The following ALDH1L2 variants were observed in gnomAD, a reference collection of about 807,000 sequenced individuals.
ALDH1L2 encodes mitochondrial 10-formyltetrahydrofolate dehydrogenase.
ALDH1L2 carries 91 observed loss-of-function variants against 111.0 expected under a neutral mutation model. The observed-to-expected ratio is 0.82, with a 90% CI of 0.69 to 0.98. The LOEUF is 0.98. Among genes scored for constraint, ALDH1L2 ranks in the 50% least tolerant of loss-of-function variants. The pLI, the probability that ALDH1L2 is intolerant of heterozygous loss-of-function variation, is 0.00. For synonymous variants in ALDH1L2, 374 were observed against 392.6 expected, an observed-to-expected ratio of 0.95 and a Z score of 0.56; for missense variants, 995 against 1,126.8, an observed-to-expected ratio of 0.88 and a Z score of 1.67.
chr12:105,041,481 A>G (rs1272074503), intron 15 of ALDH1L2, among the ~76,000 whole-genome samples: 1 of 152,218 alleles, frequency 6.6e-6, no homozygotes, highest in African/African-American at 2.4e-5. Context: ...TTATTTGGCA[A>G]ATGTGGTCTG....
intron 19 of ALDH1L2, among the ~76,000 whole-genome samples, chr12:105,033,121 C>T (rs1033422647): frequency 2.0e-5 from 3 of 152,126 alleles, no homozygotes; most frequent in Admixed American, 2.0e-4. Context: ...TAGTGCGTTC[C>T]CCAGGGTTCT....
In ALDH1L2 at chr12:105,070,572, A is replaced by T. The variant is rs1877622746; in HGVS notation, c.426T>A (p.Asn142Lys). 6.2e-7 allele frequency: 1 copy of T among 1,604,596 alleles called. No homozygotes were observed. Among genetic ancestry groups the T allele is most frequent in the African/African-American group, 1.3e-5 (1 of 74,402 alleles). ...AAAGTAAAAAGAAAAAATCTCACCA[A>T]TTGATAGCAGAGGCTCCTCTGTGCC... ...LPRHRGASAI[N>K]WTLIMGDKKA... The change falls in exon 3 of 23, where the codon AAT (asparagine) becomes AAA (lysine). Residue 142 changes from asparagine (N) to lysine (K), a missense_variant and splice_region_variant. Coordinates refer to ENST00000258494, the MANE Select transcript of ALDH1L2 (RefSeq NM_001034173.4).
intron 22 of ALDH1L2, 122 bp downstream of exon 22, chr12:105,026,423 C>A (rs1039677395): frequency 8.0e-6 from 9 of 1,131,366 alleles, no homozygotes; most frequent in Non-Finnish European, 1.1e-5. Context: ...CCCTTCTAAA[C>A]CCAGATATAA....
intron 4 of ALDH1L2, among the ~76,000 whole-genome samples, chr12:105,068,287 C>G (rs577924833): frequency 1.3e-5 from 2 of 150,662 alleles, no homozygotes; most frequent in East Asian, 3.9e-4. Context: ...TTTTTTTTAC[C>G]CCAGAATACG....
intron 15 of ALDH1L2, among the ~76,000 whole-genome samples, chr12:105,043,501 C>T (rs1402363755): frequency 6.6e-6 from 1 of 152,184 alleles, no homozygotes; most frequent in Non-Finnish European, 1.5e-5. Context: ...AAGTTATCAA[C>T]ACTGTTGAAA....
chr12:105,043,309 C>G (rs1481250754), intron 15 of ALDH1L2, among the ~76,000 whole-genome samples: 1 of 152,120 alleles, frequency 6.6e-6, no homozygotes, highest in Non-Finnish European at 1.5e-5. Flanking sequence ...GTAAAATGTA[C>G]AAGTGGCCAA....
At chr12:105,079,766 C>G (rs916522539) in intron 1 of ALDH1L2, among the ~76,000 whole-genome samples, 1 of 152,026 alleles carries the variant, frequency 6.6e-6, no homozygotes, top group African/African-American at 2.4e-5. Flanking sequence ...GACTACAGTC[C>G]CTTTTGACCA....
intron 10 of ALDH1L2, among the ~76,000 whole-genome samples, chr12:105,057,022 A>T (rs547126928): frequency 7.3e-5 from 11 of 151,452 alleles, no homozygotes; most frequent in Non-Finnish European, 1.5e-4. Flanking sequence ...TCTGATAAGG[A>T]TCTAGTATCG....
intron 5 of ALDH1L2, 28 bp from the exon 6 acceptor site, chr12:105,065,384 C>A: frequency 6.3e-7 from 1 of 1,584,154 alleles, no homozygotes. Flanking sequence ...ACAGGCTGAG[C>A]CTCCTATGGC....
intron 18 of ALDH1L2, among the ~76,000 whole-genome samples, chr12:105,034,967 G>GA (rs1391598642): frequency 2.0e-5 from 3 of 149,492 alleles, no homozygotes; most frequent in Admixed American, 6.6e-5. Context: ...CTGGGCGACA[G>GA]AGCTAGATTC....
intron 18 of ALDH1L2, among the ~76,000 whole-genome samples, chr12:105,036,365 T>TTA (rs370427140): frequency 1.5e-5 from 1 of 67,474 alleles, no homozygotes; most frequent in Non-Finnish European, 2.3e-5. Context: ...TGTATATATA[T>TTA]TATATATATA....
chr12:105,065,332 C>A lies in ALDH1L2; in HGVS notation c.721G>T (p.Val241Phe). The A allele has an allele frequency of 6.2e-7, 1 of 1,611,142 alleles. No individual in the cohort carries two copies. The highest frequency in any genetic ancestry group is 8.5e-7 in the Non-Finnish European group (1 of 1,177,864). The change falls in exon 6 of 23, where the codon GTT becomes TTT. Residue 241 changes from valine to phenylalanine, a missense_variant. Val to Phe is a conservative substitution (Grantham distance 50). Transcript: ENST00000258494. ...TGACCTCGAATCCAGTTATGTAAAA[C>A]TTCGGCAGACTGGTCCCAAGAAATC... Reference protein sequence around the residue: ...AEISWDQSAEVLHNWIRGHDK... With the variant: ...AEISWDQSAEFLHNWIRGHDK...
At chr12:105,064,978 C>T (rs2136096824) in intron 6 of ALDH1L2, among the ~76,000 whole-genome samples, 1 of 152,294 alleles carries the variant, frequency 6.6e-6, no homozygotes, top group African/African-American at 2.4e-5. Flanking sequence ...GAAGCCTTTC[C>T]TAACATGCCT....
chr12:105,044,900 C>G lies in ALDH1L2; in HGVS notation c.1863+1810G>C, dbSNP rs1028290858. On this transcript the variant is annotated intron_variant, in intron 15 of 22. Coordinates refer to ENST00000258494, the MANE Select transcript of ALDH1L2 (RefSeq NM_001034173.4). ...AAAAAAGTTAGAATTTTTTTTTTTG[C>G]TAAGTATATAGAATGCTACTTTTTG... 6.1e-4 allele frequency among the ~76,000 whole-genome samples: 92 copies of G among 150,174 alleles called. 1 individual carries two copies. The highest frequency in any genetic ancestry group is 2.2e-3 in the African/African-American group (88 of 40,918).
intron 18 of ALDH1L2, among the ~76,000 whole-genome samples, chr12:105,036,819 T>C (rs1022586038): frequency 6.6e-6 from 1 of 152,034 alleles, no homozygotes; most frequent in Non-Finnish European, 1.5e-5. Context: ...AAACAGACTC[T>C]TTAAGGTTAT....
intron 9 of ALDH1L2, among the ~76,000 whole-genome samples, chr12:105,060,017 A>G (rs1358107312): frequency 1.3e-5 from 2 of 152,192 alleles, no homozygotes; most frequent in Non-Finnish European, 2.9e-5. Flanking sequence ...ATCCTGGTCC[A>G]GTTTCCTTGC....
At chr12:105,034,848 G>A (rs901552498) in intron 18 of ALDH1L2, among the ~76,000 whole-genome samples, 4 of 152,148 alleles carry the variant, frequency 2.6e-5, no homozygotes, top group Non-Finnish European at 5.9e-5. Context: ...GCTGGGCATG[G>A]TGGCAGGTGC....
intron 5 of ALDH1L2, among the ~76,000 whole-genome samples, chr12:105,065,687 C>T (rs1216582389): frequency 6.6e-6 from 1 of 151,100 alleles, no homozygotes; most frequent in Non-Finnish European, 1.5e-5. Flanking sequence ...TTTTGAAGTT[C>T]CCACCTCTGT....
In ALDH1L2 at chr12:105,042,123, C is replaced by T. The variant is rs901841350; in HGVS notation, c.1864-1429G>A. Among the ~76,000 whole-genome samples, 6 of 152,262 alleles carry T rather than the reference C, an allele frequency of 3.9e-5. No individual in the cohort carries two copies. In the East Asian group the frequency reaches 1.2e-3, roughly 29 times the overall value. On this transcript the variant is annotated intron_variant, in intron 15 of 22. Coordinates refer to ENST00000258494, the MANE Select transcript of ALDH1L2 (RefSeq NM_001034173.4). ...TACATGTATGTGTGTATCTATCCCT[C>T]ATATACCTATATCCATTTCTTTATT... is the stretch of plus-strand genomic sequence containing the variant.
Sources: allele counts gnomAD v4.1 joint callset (sites outside exome capture counted in the v4.1 genomes callset), GRCh38; gene constraint gnomAD v4.1.1; transcripts MANE v1.5; gene names NCBI Gene and HGNC (gene_info 2026-07-23, HGNC 2026-07-21).